Variants in ARL13B observed in about 807,000 individuals in gnomAD.
The protein encoded by ARL13B is ARF like GTPase 13B.
Under a neutral mutation model 56.1 loss-of-function variants are expected in ARL13B, and 36 were observed. The observed-to-expected ratio is 0.64, with a 90% CI of 0.49 to 0.85. ARL13B has a LOEUF of 0.85. Among genes scored for constraint, ARL13B ranks in the 40% least tolerant of loss-of-function variants. The pLI is 0.00. For missense variants in ARL13B, 519 were observed against 507.1 expected (o/e 1.02, Z -0.23); for synonymous variants, 178 against 171.1 (o/e 1.04, Z -0.32).
chr3:93,994,927 A>G lies in ARL13B; in HGVS notation c.60-947A>G, dbSNP rs564694231. Among the ~76,000 whole-genome samples the G allele has an allele frequency of 2.0e-5, 3 of 152,274 alleles. No individual in the cohort carries two copies. In the South Asian group the frequency reaches 6.2e-4, roughly 32 times the overall value. On this transcript the variant is annotated intron_variant, in intron 1 of 9. Transcript: ENST00000394222. ...TTCAGCCCTCCATGGGATGATTACTAAAGAGGAATAACTATACTCCATAGG... is the reference window on the plus strand; with the variant it reads ...TTCAGCCCTCCATGGGATGATTACTGAAGAGGAATAACTATACTCCATAGG...
chr3:94,055,289 T>C lies in ARL13B; in HGVS notation c.*2026T>C, dbSNP rs571746079. 692 of 416,158 alleles carry C rather than the reference T, an allele frequency of 1.7e-3. 3 individuals are homozygous for C. Among genetic ancestry groups the C allele is most frequent in the Non-Finnish European group, 2.7e-3 (575 of 213,878 alleles). 25.8% of individuals were successfully genotyped at this position (416,158 alleles called of 1,614,324 possible). A position where few individuals can be genotyped will look rare whatever the true frequency, so the allele number is the denominator to read the frequency against. On this transcript the variant is annotated 3_prime_UTR_variant, in exon 10 of 10. Coordinates refer to ENST00000394222, the MANE Select transcript of ARL13B (RefSeq NM_001174150.2). ...AAATAATTTATATCAATATTCTGTTTCTCTTTTCAATTGGTAGATTTAAAT... is the reference window on the plus strand; with the variant it reads ...AAATAATTTATATCAATATTCTGTTCCTCTTTTCAATTGGTAGATTTAAAT...
At position 94,050,906 on chromosome 3, in the gene ARL13B, AT is replaced by A. The variant is rs2107198501; in HGVS notation, c.1210+16del. 1.2e-6 allele frequency: 2 copies of A among 1,611,004 alleles called. No individual in the cohort carries two copies. Among genetic ancestry groups the A allele is most frequent in the Non-Finnish European group, 1.7e-6 (2 of 1,178,030 alleles). On this transcript the variant is annotated intron_variant, in intron 9 of 9. Transcript: ENST00000394222. ...CACATCATAATGGTAATGCAAAAGG[AT>A]TGGTTTTCAGATATCATCTGTACAT...
At chr3:94,053,137 CT>C in intron 9 of ARL13B, 49 bp from the exon 10 acceptor site, 1 of 1,448,668 alleles carries the variant, frequency 6.9e-7, no homozygotes, top group Non-Finnish European at 9.6e-7. Context: ...TGTCAAAAAT[CT>C]TGATGTACCA....
rs752472169 is a variant in ARL13B, at chr3:94,043,038, G to GA, written c.830dup (p.Asn277LysfsTer9). The GA allele has an allele frequency of 1.8e-4, 294 of 1,608,154 alleles. No individual in the cohort carries two copies. Among genetic ancestry groups the GA allele is most frequent in the Non-Finnish European group, 2.2e-4 (259 of 1,178,030 alleles). On this transcript the variant is annotated frameshift_variant, in exon 7 of 10. Coordinates refer to ENST00000394222, the MANE Select transcript of ARL13B (RefSeq NM_001174150.2). LOFTEE classifies it high-confidence loss of function. ...AGAATGAAGGAAAACTTGAAAGAGA[G>GA]AAAAAAAACCAAAAAATGGAGAAAG...
intron 7 of ARL13B, among the ~76,000 whole-genome samples, chr3:94,045,759 G>A (rs1220996173): frequency 1.3e-5 from 2 of 151,464 alleles, no homozygotes; most frequent in Non-Finnish European, 2.9e-5. Context: ...ACAGGAGATC[G>A]AGACCACAGT....
chr3:94,018,574 C>T (rs920915782), intron 3 of ARL13B, among the ~76,000 whole-genome samples: 5 of 152,064 alleles, frequency 3.3e-5, no homozygotes, highest in Admixed American at 1.3e-4. Flanking sequence ...GCATTAAATG[C>T]TGTTTGTAAG....
At chr3:94,039,788 A>T in intron 5 of ARL13B, 92 bp from the exon 6 acceptor site, 1 of 1,038,670 alleles carries the variant, frequency 9.6e-7, no homozygotes, top group Non-Finnish European at 1.4e-6. Context: ...TTAAATTACT[A>T]CATGTAATAG....
In ARL13B at chr3:94,054,745, G is replaced by A. The variant is rs1289694298; in HGVS notation, c.*1482G>A. 4.8e-6 allele frequency: 2 copies of A among 419,752 alleles called. No individual in the cohort carries two copies. The highest frequency in any genetic ancestry group is 4.1e-5 in the African/African-American group (2 of 48,564). The allele number at this position is 419,752 out of a possible 1,614,324, so 26.0% of individuals were successfully genotyped here. A position where few individuals can be genotyped will look rare whatever the true frequency, so the allele number is the denominator to read the frequency against. Reference sequence around the variant, plus strand: ...CTAGTCAGCACTGTATATATTCTTGGAGTTTGTACATGGGACTTAGCAACC... The same window carrying A: ...CTAGTCAGCACTGTATATATTCTTGAAGTTTGTACATGGGACTTAGCAACC... On this transcript the variant is annotated 3_prime_UTR_variant, in exon 10 of 10. Coordinates refer to ENST00000394222, the MANE Select transcript of ARL13B (RefSeq NM_001174150.2).
chr3:94,035,144 G>C (rs776429274), intron 3 of ARL13B, among the ~76,000 whole-genome samples, 187 bp from the exon 4 acceptor site: 18 of 151,774 alleles, frequency 1.2e-4, no homozygotes, highest in Non-Finnish European at 1.3e-4. Context: ...GGCTGAGGCA[G>C]GAGAATCACT....
At chr3:94,037,814 CTAA>C (rs1381541506) in intron 5 of ARL13B, among the ~76,000 whole-genome samples, 1 of 151,970 alleles carries the variant, frequency 6.6e-6, no homozygotes, top group Non-Finnish European at 1.5e-5. Flanking sequence ...TAAAAGAAAT[CTAA>C]TGTTAGTAAC....
intron 1 of ARL13B, among the ~76,000 whole-genome samples, chr3:93,991,650 T>G (rs1347722048): frequency 6.6e-6 from 1 of 152,214 alleles, no homozygotes; most frequent in Non-Finnish European, 1.5e-5. Context: ...GGACTACAGG[T>G]GTGAGCCACC....
rs528368357 is a variant in ARL13B, at chr3:94,040,361, A to T, written c.798+373A>T. Among the ~76,000 whole-genome samples the T allele has an allele frequency of 2.0e-4, 30 of 152,274 alleles. No individual in the cohort carries two copies. The South Asian group carries it at 6.0e-3, about 30-fold the overall frequency. Reference sequence around the variant, plus strand: ...GTATTGCTGTTACTGTCCATCTGCAATATTTACTTAGAATGCATTAGGGTA... The same window carrying T: ...GTATTGCTGTTACTGTCCATCTGCATTATTTACTTAGAATGCATTAGGGTA... On this transcript the variant is annotated intron_variant, in intron 6 of 9. Transcript: ENST00000394222.
intron 3 of ARL13B, 72 bp downstream of exon 3, chr3:94,003,980 G>C: frequency 6.3e-7 from 1 of 1,599,166 alleles, no homozygotes; most frequent in Non-Finnish European, 8.5e-7. Context: ...ACCTGTTACA[G>C]ACTAGTGAAT....
intron 3 of ARL13B, among the ~76,000 whole-genome samples, chr3:94,010,784 A>G (rs1319761171): frequency 2.0e-5 from 3 of 152,098 alleles, no homozygotes; most frequent in Admixed American, 1.3e-4. Context: ...ATGTTCTAAT[A>G]TAAAATGCTG....
chr3:94,003,451 A>G (rs1392158931), intron 2 of ARL13B, among the ~76,000 whole-genome samples: 1 of 152,202 alleles, frequency 6.6e-6, no homozygotes, highest in Non-Finnish European at 1.5e-5. Context: ...TGGGTGTTAT[A>G]TCAGGGGAAA....
chr3:93,989,492 G>C (rs559060822), intron 1 of ARL13B, among the ~76,000 whole-genome samples: 3 of 152,068 alleles, frequency 2.0e-5, no homozygotes, highest in African/African-American at 7.2e-5. Context: ...TGGCAGAAGT[G>C]GGGGCTGCCA....
Position 94,053,856 on chromosome 3 carries a change from G to A in ARL13B, c.*593G>A, listed in dbSNP as rs2077103601. 3.3e-6 allele frequency: 1 copy of A among 304,638 alleles called. No individual in the cohort carries two copies. The highest frequency in any genetic ancestry group is 6.4e-6 in the Non-Finnish European group (1 of 156,398). The allele number at this position is 304,638 out of a possible 1,614,324, so 18.9% of individuals were successfully genotyped here. A position where few individuals can be genotyped will look rare whatever the true frequency, so the allele number is the denominator to read the frequency against. On this transcript the variant is annotated 3_prime_UTR_variant, in exon 10 of 10. Coordinates refer to ENST00000394222, the MANE Select transcript of ARL13B (RefSeq NM_001174150.2). ...TATACAAACAGGATATATTTATATG[G>A]CTTGAGGTATGTTTTGTAATAGCGT...
At chr3:94,020,769 A>C (rs1171148282) in intron 3 of ARL13B, among the ~76,000 whole-genome samples, 1 of 152,206 alleles carries the variant, frequency 6.6e-6, no homozygotes, top group Non-Finnish European at 1.5e-5. Context: ...AAATGCACTT[A>C]AAGCATTCTA....
intron 3 of ARL13B, among the ~76,000 whole-genome samples, chr3:94,009,481 G>C (rs980481781): frequency 1.3e-5 from 2 of 152,004 alleles, no homozygotes; most frequent in African/African-American, 4.8e-5. Context: ...TCCTAATACA[G>C]TTATCAGAAA....
Sources: gnomAD v4.1 joint callset for allele counts (sites outside exome capture counted in the v4.1 genomes callset) on GRCh38, gnomAD v4.1.1 for gene constraint, MANE v1.5 for transcripts, NCBI Gene and HGNC (gene_info 2026-07-23, HGNC 2026-07-21) for gene names.